Variants in RUNX1T1 observed in about 807,000 individuals in gnomAD.
RUNX1T1 encodes the protein protein CBFA2T1.
A neutral mutation model predicts 62.8 loss-of-function variants in RUNX1T1; 4 were observed. The ratio of observed to expected loss-of-function variants is 0.06; its 90% CI spans 0.03 to 0.15. The LOEUF is 0.15. Among genes scored for constraint, RUNX1T1 ranks in the 10% least tolerant of loss-of-function variants. RUNX1T1 has a pLI of 1.00. For missense variants in RUNX1T1, 508 were observed against 754.3 expected (o/e 0.67, Z 3.82); for synonymous variants, 291 against 286.0 (o/e 1.02, Z -0.18).
At chr8:92,047,542 G>A (rs1236623501) in intron 1 of RUNX1T1, among the ~76,000 whole-genome samples, 1 of 151,766 alleles carries the variant, frequency 6.6e-6, no homozygotes, top group South Asian at 2.1e-4. Flanking sequence ...GTTCTATGAG[G>A]GCAAAAAATG....
chr8:92,028,554 T>C (rs1173911200), intron 1 of RUNX1T1, among the ~76,000 whole-genome samples: 1 of 152,176 alleles, frequency 6.6e-6, no homozygotes, highest in Non-Finnish European at 1.5e-5. Context: ...ATAGGTGAAG[T>C]CAATACACTT....
rs140906561 is a variant in RUNX1T1 at position 92,052,055 on chromosome 8, G to A, written c.7+10491C>T. ...TCACAGGAGGCAGAGGCCACAAAGC[G>A]TGTCAGACTACACTTACTGAAGGCC... is the stretch of plus-strand genomic sequence containing the variant. On this transcript the variant is annotated intron_variant, in intron 1 of 10. Transcript: ENST00000396218. Among the ~76,000 whole-genome samples, 48 of 152,196 alleles carry A rather than the reference G, an allele frequency of 3.2e-4. No homozygotes were observed. In the East Asian group the frequency reaches 8.1e-3, roughly 26 times the overall value.
chr8:92,103,095 C>T (rs1808448171), upstream of RUNX1T1: 1 of 430,998 alleles, frequency 2.3e-6, no homozygotes, highest in African/African-American at 2.1e-5. Flanking sequence ...TGCAAAAAGC[C>T]CGGGGTCGGG....
chr8:92,062,390 T>A (rs1175171896), intron 1 of RUNX1T1, among the ~76,000 whole-genome samples: 1 of 152,214 alleles, frequency 6.6e-6, no homozygotes, highest in African/African-American at 2.4e-5. Flanking sequence ...TGGTTCTCTT[T>A]ATGCTACCTT....
At chr8:92,048,396 T>A (rs1375361473) in intron 1 of RUNX1T1, among the ~76,000 whole-genome samples, 1 of 152,126 alleles carries the variant, frequency 6.6e-6, no homozygotes, top group Non-Finnish European at 1.5e-5. Flanking sequence ...ATATTACAAC[T>A]GGCGGGGTAT....
At chr8:92,050,157 T>C (rs1326843430) in intron 1 of RUNX1T1, among the ~76,000 whole-genome samples, 1 of 152,138 alleles carries the variant, frequency 6.6e-6, no homozygotes, top group Admixed American at 6.6e-5. Context: ...TTCACTGAAA[T>C]ACATTTTTGT....
chr8:92,091,911 A>T (rs1837083965), intron 1 of RUNX1T1, among the ~76,000 whole-genome samples: 1 of 152,240 alleles, frequency 6.6e-6, no homozygotes, highest in Non-Finnish European at 1.5e-5. Flanking sequence ...AATATCAAAC[A>T]TGCTAAGGTG....
At chr8:92,056,434 T>C (rs1290541092) in intron 1 of RUNX1T1, among the ~76,000 whole-genome samples, 1 of 152,172 alleles carries the variant, frequency 6.6e-6, no homozygotes, top group Non-Finnish European at 1.5e-5. Context: ...TAAAATTATT[T>C]TCTTCCATGA....
At chr8:92,096,940 C>A (rs1048155672) in intron 1 of RUNX1T1, among the ~76,000 whole-genome samples, 18 of 152,186 alleles carry the variant, frequency 1.2e-4, no homozygotes, top group African/African-American at 3.9e-4. Context: ...GGCCAAAAAT[C>A]GGTTTTATGT....
intron 1 of RUNX1T1, among the ~76,000 whole-genome samples, chr8:92,022,244 TTC>T (rs1283889063): frequency 5.3e-5 from 8 of 152,188 alleles, no homozygotes; most frequent in African/African-American, 1.4e-4. Context: ...GATATCAAAT[TTC>T]ATGGTAAAAG....
chr8:92,006,809 C>G (rs1427858590), intron 4 of RUNX1T1: 1 of 151,894 alleles, frequency 6.6e-6, no homozygotes, highest in Admixed American at 6.6e-5. Flanking sequence ...AGCTATTTGT[C>G]CTAATGCTTT....
intron 1 of RUNX1T1, among the ~76,000 whole-genome samples, chr8:92,044,817 T>C (rs79428533): frequency 6.6e-6 from 1 of 152,204 alleles, no homozygotes; most frequent in Non-Finnish European, 1.5e-5. Context: ...TTTGTTTGAC[T>C]GCAAAGTCCA....
exon 11 of RUNX1T1, chr8:91,959,486 GTGTATA>G (rs1563591999): frequency 0.11 from 14,806 of 139,230 alleles, 960 homozygotes; most frequent in East Asian, 0.25. Context: ...GTGTGTGTGT[GTGTATA>G]TATATATATA....
intron 8 of RUNX1T1, among the ~76,000 whole-genome samples, chr8:91,983,175 C>T (rs1039561435): frequency 1.4e-4 from 21 of 151,906 alleles, no homozygotes; most frequent in African/African-American, 3.9e-4. Flanking sequence ...CCTCGTGATC[C>T]GTCTGCCTCG....
At chr8:92,086,764 T>A (rs1162042939) in intron 1 of RUNX1T1, among the ~76,000 whole-genome samples, 1 of 152,214 alleles carries the variant, frequency 6.6e-6, no homozygotes, top group Non-Finnish European at 1.5e-5. Flanking sequence ...CTTCCCCCTC[T>A]CTAAATCCAC....
At chr8:92,022,559 C>T (rs1824328264) in intron 1 of RUNX1T1, among the ~76,000 whole-genome samples, 1 of 152,122 alleles carries the variant, frequency 6.6e-6, no homozygotes, top group Admixed American at 6.5e-5. Context: ...GCTAAGGAGG[C>T]CACTTTTGCC....
At chr8:92,047,259 G>T (rs1829551014) in intron 1 of RUNX1T1, among the ~76,000 whole-genome samples, 1 of 152,072 alleles carries the variant, frequency 6.6e-6, no homozygotes, top group South Asian at 2.1e-4. Context: ...CCTGGAAGGT[G>T]CTTCTCCCAT....
rs770155111 is a variant in RUNX1T1 at position 91,986,339 on chromosome 8, G to A, written c.997-14C>T. On this transcript the variant is annotated splice_polypyrimidine_tract_variant and intron_variant, in intron 7 of 10. Transcript: ENST00000396218. ...GCAGTTTAACAGCTATTTGGGAAAG[G>A]GGAGAATAGGGAAGAGCATATAAAT... 3 of 1,570,034 alleles carry A rather than the reference G, an allele frequency of 1.9e-6. No homozygotes were observed. The highest frequency in any genetic ancestry group is 2.6e-6 in the Non-Finnish European group (3 of 1,140,248).
exon 7 of RUNX1T1, chr8:91,986,920 T>C: frequency 6.2e-7 from 1 of 1,612,212 alleles, no homozygotes; most frequent in Non-Finnish European, 8.5e-7. Flanking sequence ...CTGCCCATTC[T>C]CTGTCTGTTA....
Sources: gnomAD v4.1 joint callset for allele counts (sites outside exome capture counted in the v4.1 genomes callset) on GRCh38, gnomAD v4.1.1 for gene constraint, MANE v1.5 for transcripts, NCBI Gene and HGNC (gene_info 2026-07-23, HGNC 2026-07-21) for gene names.